FAM53A: variants seen among roughly 807,000 people sequenced by gnomAD.
The protein encoded by FAM53A is family with sequence similarity 53 member A.
In FAM53A, 28 loss-of-function variants were observed where a neutral mutation model predicts 26.6. That is an observed-to-expected ratio of 1.05 (90% CI 0.78 to 1.45). The LOEUF is 1.45. Among genes scored for constraint, FAM53A ranks in the 40% most tolerant of loss-of-function variants. FAM53A has a pLI of 0.00. For synonymous variants in FAM53A, 290 were observed against 253.1 expected (o/e 1.15, Z -1.38); for missense variants, 650 against 575.8 (o/e 1.13, Z -1.32).
At chr4:1,657,746 T>A (rs929264160) in intron 2 of FAM53A, among the ~76,000 whole-genome samples, 3 of 152,172 alleles carry the variant, frequency 2.0e-5, no homozygotes, top group Admixed American at 6.5e-5. Context: ...CACGCCATTC[T>A]CCTGCCTCAG....
At chr4:1,589,730 T>G in the FAM53A span, among the ~76,000 whole-genome samples, 1 of 152,144 alleles carries the variant, frequency 6.6e-6, no homozygotes, top group South Asian at 2.1e-4. Flanking sequence ...CATTCATAAT[T>G]TTCCCTTCAT....
chr4:1,607,324 G>GTT, the FAM53A span, among the ~76,000 whole-genome samples: 1 of 144,510 alleles, frequency 6.9e-6, no homozygotes, highest in South Asian at 2.2e-4. Context: ...CAGCCTCTGG[G>GTT]TTTTTTTTTT....
chr4:1,684,466 G>A (rs1179192743), upstream of FAM53A, among the ~76,000 whole-genome samples: 1 of 150,040 alleles, frequency 6.7e-6, no homozygotes, highest in African/African-American at 2.4e-5. Context: ...GGGCCTCCAG[G>A]CGCCCAGGCT....
intron 4 of FAM53A, chr4:1,644,504 T>C: frequency 1.1e-6 from 1 of 928,776 alleles, no homozygotes; most frequent in Non-Finnish European, 1.5e-6. Context: ...GTAGAGACGG[T>C]GGAAACCGAG....
the FAM53A span, among the ~76,000 whole-genome samples, chr4:1,589,138 CAAGTT>C: frequency 6.6e-6 from 1 of 152,114 alleles, no homozygotes; most frequent in Non-Finnish European, 1.5e-5. Context: ...AGCTTTTGAT[CAAGTT>C]AAGAAAATGT....
Position 1,651,799 on chromosome 4 carries a change from C to T in FAM53A, c.882+3179G>A, listed in dbSNP as rs143390714. Among the ~76,000 whole-genome samples the T allele has an allele frequency of 9.2e-5, 14 of 151,794 alleles. No individual in the cohort carries two copies. The East Asian group carries it at 2.3e-3, about 25-fold the overall frequency. ...GGACCCAAAGCCGGGGACAGGGACA[C>T]GCAGGCTCAGCAAGGGACCCAAAGC... is the stretch of plus-strand genomic sequence containing the variant. On this transcript the variant is annotated intron_variant, in intron 4 of 4. Coordinates refer to ENST00000308132, the MANE Select transcript of FAM53A (RefSeq NM_001174070.3).
chr4:1,670,447 G>A (rs967270811), intron 1 of FAM53A, among the ~76,000 whole-genome samples: 4 of 152,244 alleles, frequency 2.6e-5, no homozygotes, highest in South Asian at 2.1e-4. Flanking sequence ...GCCAGGTCCA[G>A]GGGACTGGGC....
rs145383054 is a variant in FAM53A at position 1,668,790 on chromosome 4, G to A, written c.-49C>T. ...CCACACCAACAGGCACTGGAGTCCT[G>A]GAACATCAGACTTGCGAAGGCCCCA... On this transcript the variant is annotated 5_prime_UTR_variant, in exon 2 of 5. It introduces an in-frame stop codon into an upstream open reading frame of the 5' UTR. Coordinates refer to ENST00000308132, the MANE Select transcript of FAM53A (RefSeq NM_001174070.3). 805 of 1,583,714 alleles carry A rather than the reference G, an allele frequency of 5.1e-4. 10 individuals carry two copies. In the African/African-American group the frequency reaches 9.0e-3, roughly 18 times the overall value.
rs114000742 is a variant in FAM53A at position 1,682,959 on chromosome 4, A to G, written c.-165+1274T>C. On this transcript the variant is annotated intron_variant, in intron 1 of 4. Coordinates refer to ENST00000308132, the MANE Select transcript of FAM53A (RefSeq NM_001174070.3). ...GACCCTCAAAGTCGCAACACAGAAC[A>G]CAACAGAGGGACAAAGCTGCAGAAT... Among the ~76,000 whole-genome samples, 1,405 of 152,350 alleles carry G rather than the reference A, an allele frequency of 9.2e-3. 20 individuals carry two copies. Among genetic ancestry groups the G allele is most frequent in the African/African-American group, 0.032 (1,329 of 41,576 alleles).
At chr4:1,684,392 G>C (rs532604754), upstream of FAM53A, 1 of 145,358 alleles carries the variant, frequency 6.9e-6, no homozygotes, top group African/African-American at 2.5e-5. Context: ...CCGCCGCCGC[G>C]AGCCCGTCAG....
At chr4:1,615,275 T>C (rs1243661298), downstream of FAM53A, among the ~76,000 whole-genome samples, 1,692 of 44,468 alleles carry the variant, frequency 0.038, no homozygotes, top group Middle Eastern at 0.088. Context: ...ACGCCCACCC[T>C]ACCTGGGCCC....
At chr4:1,642,434 G>GC (rs886298602) in intron 4 of FAM53A, among the ~76,000 whole-genome samples, 2 of 150,520 alleles carry the variant, frequency 1.3e-5, no homozygotes, top group South Asian at 2.1e-4. Flanking sequence ...TTCTCACTCT[G>GC]CCCCCCGGCT....
chr4:1,655,314 G>A lies in FAM53A; in HGVS notation c.546C>T (p.Pro182=), dbSNP rs760170603. The stretch of plus-strand genomic sequence containing the variant: ...TGGCGGAGGACGGCCGGGGCGTGGC[G>A]GGCGAGGTGGGACCGGTCGACCACA... ...SAVWSTGPTS[P]ATPRPSSASG... Residue 182 remains proline (P), a synonymous_variant, in exon 4 of 5, where the codon CCC becomes CCT. Transcript: ENST00000308132. 29 of 1,417,408 alleles carry A rather than the reference G, an allele frequency of 2.0e-5. No individual in the cohort carries two copies. Among genetic ancestry groups the A allele is most frequent in the East Asian group, 8.4e-5 (3 of 35,518 alleles). The allele number at this position is 1,417,408 out of a possible 1,614,324, so 87.8% of individuals were successfully genotyped here.
At chr4:1,597,598 G>A in the FAM53A span, among the ~76,000 whole-genome samples, 1 of 152,194 alleles carries the variant, frequency 6.6e-6, no homozygotes, top group Non-Finnish European at 1.5e-5. Context: ...AAGTTCCTGA[G>A]AGGGGAAGTC....
chr4:1,658,221 C>T (rs182011683), intron 2 of FAM53A, among the ~76,000 whole-genome samples: 273 of 151,946 alleles, frequency 1.8e-3, no homozygotes, highest in Middle Eastern at 6.8e-3. Context: ...AGGGTTTCAC[C>T]GTGTCAGCCA....
At chr4:1,622,428 G>A (rs1173853787) in intron 1 of FAM53A, among the ~76,000 whole-genome samples, 1 of 152,224 alleles carries the variant, frequency 6.6e-6, no homozygotes, top group Non-Finnish European at 1.5e-5. Context: ...CTTCCAGCCA[G>A]GCCCTGGCCC....
At chr4:1,602,672 C>G in the FAM53A span, among the ~76,000 whole-genome samples, 1 of 152,186 alleles carries the variant, frequency 6.6e-6, no homozygotes, top group Non-Finnish European at 1.5e-5. Flanking sequence ...TCCGCGCGCC[C>G]CCTCCCCGCC....
At chr4:1,661,861 G>A (rs75708770) in intron 2 of FAM53A, among the ~76,000 whole-genome samples, 41,653 of 151,868 alleles carry the variant, frequency 0.27, 6,391 homozygotes, top group Middle Eastern at 0.47. Context: ...TGGTTACACA[G>A]AGTGCACCTC....
At chr4:1,673,090 A>G (rs1714795717) in intron 1 of FAM53A, among the ~76,000 whole-genome samples, 1 of 152,152 alleles carries the variant, frequency 6.6e-6, no homozygotes, top group Non-Finnish European at 1.5e-5. Flanking sequence ...TGATTATTTA[A>G]TTCTGAAGAA....
Sources: allele counts gnomAD v4.1 joint callset (sites outside exome capture counted in the v4.1 genomes callset), GRCh38; gene constraint gnomAD v4.1.1; transcripts MANE v1.5; gene names NCBI Gene and HGNC (gene_info 2026-07-23, HGNC 2026-07-21).